The following PAPPA variants were observed in gnomAD, a reference collection of about 807,000 sequenced individuals.
The protein encoded by PAPPA is pappalysin-1.
PAPPA carries 60 observed loss-of-function variants against 164.0 expected under a neutral mutation model. The ratio of observed to expected loss-of-function variants is 0.37; its 90% CI spans 0.30 to 0.45. PAPPA has a LOEUF of 0.45. Among genes scored for constraint, PAPPA ranks in the 20% least tolerant of loss-of-function variants. The pLI is 1.00. For synonymous variants in PAPPA, 875 were observed against 814.1 expected (o/e 1.07, Z -1.27); for missense variants, 1,782 against 2,087.3 (o/e 0.85, Z 2.85).
chr9:116,303,939 T>G (rs776247168), intron 10 of PAPPA, among the ~76,000 whole-genome samples: 1 of 152,244 alleles, frequency 6.6e-6, no homozygotes, highest in African/African-American at 2.4e-5. Context: ...TTTACATCAC[T>G]AAAGCCTTTA....
chr9:116,276,208 A>G (rs1158765815), intron 9 of PAPPA, among the ~76,000 whole-genome samples: 1 of 152,254 alleles, frequency 6.6e-6, no homozygotes, highest in East Asian at 1.9e-4. Context: ...AACTACAGAC[A>G]GGCTGCTGAT....
rs779077168 is a variant in PAPPA at position 116,187,599 on chromosome 9, G to C, written c.861G>C (p.Gln287His). 1 of 1,614,208 alleles carries C rather than the reference G, an allele frequency of 6.2e-7. No homozygotes were observed. The highest frequency in any genetic ancestry group is 8.5e-7 in the Non-Finnish European group (1 of 1,180,040). ...AHTALPQLLLQENWDNVKHAW... is the reference protein window; with the variant it reads ...AHTALPQLLLHENWDNVKHAW... ...CTGCTCTACCTCAGCTCCTCCTCCA[G>C]GAGAACTGGGACAATGTGAAGCATG... Residue 287 changes from glutamine to histidine, a missense_variant, in exon 2 of 22, where the codon CAG (glutamine) becomes CAC (histidine). Coordinates refer to ENST00000328252, the MANE Select transcript of PAPPA (RefSeq NM_002581.5). The surrounding 1 kb of genome is among the most constrained non-coding windows in gnomAD (Gnocchi z 4.2).
intron 9 of PAPPA, among the ~76,000 whole-genome samples, chr9:116,285,404 T>G (rs1281767163): frequency 1.3e-5 from 2 of 152,068 alleles, no homozygotes; most frequent in African/African-American, 4.8e-5. Flanking sequence ...CTTGACCTTG[T>G]GTCCTGCCCA....
chr9:116,229,735 C>G (rs73654679), intron 6 of PAPPA, among the ~76,000 whole-genome samples: 1,543 of 152,234 alleles, frequency 0.01, 27 homozygotes, highest in African/African-American at 0.035. Context: ...AAGAAGAGAT[C>G]AAGAGGATTT....
intron 2 of PAPPA, among the ~76,000 whole-genome samples, chr9:116,201,543 T>G (rs1341548249): frequency 6.6e-6 from 1 of 152,150 alleles, no homozygotes; most frequent in African/African-American, 2.4e-5. Context: ...CCAGTTTTCT[T>G]TCAATCCATG....
chr9:116,225,447 C>T (rs1269417627), intron 5 of PAPPA, among the ~76,000 whole-genome samples: 1 of 152,108 alleles, frequency 6.6e-6, no homozygotes, highest in East Asian at 1.9e-4. Flanking sequence ...TATTCCATTG[C>T]CCAGAAATTG....
In PAPPA at chr9:116,402,279, A is replaced by G. The variant is rs1847069794; in HGVS notation, c.*5663A>G. 1 of 152,574 alleles carries G rather than the reference A, an allele frequency of 6.6e-6. No homozygotes were observed. Among genetic ancestry groups the G allele is most frequent in the African/African-American group, 2.4e-5 (1 of 41,434 alleles). 9.5% of individuals were successfully genotyped at this position (152,574 alleles called of 1,614,324 possible). A position where few individuals can be genotyped will look rare whatever the true frequency, so the allele number is the denominator to read the frequency against. ...TTGCCACTGTTGATTACTATACTTTAAAGTTCTATATTATGAAAATATATA... is the reference window on the plus strand; with the variant it reads ...TTGCCACTGTTGATTACTATACTTTGAAGTTCTATATTATGAAAATATATA... On this transcript the variant is annotated 3_prime_UTR_variant, in exon 22 of 22. Coordinates refer to ENST00000328252, the MANE Select transcript of PAPPA (RefSeq NM_002581.5).
At chr9:116,288,460 T>G (rs1171127563) in intron 9 of PAPPA, among the ~76,000 whole-genome samples, 1 of 116,328 alleles carries the variant, frequency 8.6e-6, no homozygotes, top group Non-Finnish European at 1.7e-5. Flanking sequence ...CCTTCCTTCC[T>G]TGCTCCCTCC....
chr9:116,182,720 GA>G (rs1227171891), intron 1 of PAPPA, among the ~76,000 whole-genome samples: 1 of 152,068 alleles, frequency 6.6e-6, no homozygotes, highest in African/African-American at 2.4e-5. Flanking sequence ...AAGAGGCAAT[GA>G]AAAAAATAGA....
chr9:116,283,815 G>A (rs1421366453), intron 9 of PAPPA, among the ~76,000 whole-genome samples: 2 of 152,116 alleles, frequency 1.3e-5, no homozygotes, highest in Non-Finnish European at 2.9e-5. Flanking sequence ...GTCTCCACAA[G>A]AGTCTGAAAT....
chr9:116,275,910 C>T (rs761973168), intron 9 of PAPPA, among the ~76,000 whole-genome samples: 8 of 152,130 alleles, frequency 5.3e-5, no homozygotes, highest in Non-Finnish European at 8.8e-5. Flanking sequence ...GGGGACTTCC[C>T]GTTCTCAATT....
intron 3 of PAPPA, among the ~76,000 whole-genome samples, chr9:116,210,970 A>G (rs1012484761): frequency 3.3e-5 from 5 of 152,226 alleles, no homozygotes; most frequent in African/African-American, 1.2e-4. Context: ...CACATATTTA[A>G]TGAGATACTC....
intron 8 of PAPPA, among the ~76,000 whole-genome samples, chr9:116,269,307 C>T (rs1221848776): frequency 1.3e-5 from 2 of 152,152 alleles, no homozygotes; most frequent in Admixed American, 6.5e-5. Flanking sequence ...GAACAGAGGG[C>T]CCAGATTCTC....
intron 19 of PAPPA, among the ~76,000 whole-genome samples, chr9:116,371,545 T>G (rs1846574098): frequency 1.3e-5 from 2 of 152,236 alleles, no homozygotes; most frequent in South Asian, 4.1e-4. Flanking sequence ...CCCAACTTAA[T>G]AAATAAAAAC....
chr9:116,167,378 TTAAG>T (rs1564172045), intron 1 of PAPPA, among the ~76,000 whole-genome samples: 2 of 152,224 alleles, frequency 1.3e-5, no homozygotes, highest in African/African-American at 4.8e-5. Flanking sequence ...ATTATTTTTA[TTAAG>T]TATTATATTT....
chr9:116,387,370 C>A (rs1450064033), intron 21 of PAPPA, among the ~76,000 whole-genome samples: 1 of 152,132 alleles, frequency 6.6e-6, no homozygotes, highest in African/African-American at 2.4e-5. Context: ...CACAATAACC[C>A]TGTTGTAGAT....
intron 3 of PAPPA, among the ~76,000 whole-genome samples, chr9:116,211,437 A>ATTCCT (rs1844305690): frequency 6.6e-6 from 1 of 152,152 alleles, no homozygotes; most frequent in Admixed American, 6.5e-5. Context: ...ATTGTACAAA[A>ATTCCT]TGACTTTTGA....
intron 17 of PAPPA, among the ~76,000 whole-genome samples, chr9:116,355,942 C>T (rs977759960): frequency 6.6e-6 from 1 of 152,146 alleles, no homozygotes; most frequent in Non-Finnish European, 1.5e-5. Flanking sequence ...GCCTGAGAGC[C>T]AAATCTAGTA....
chr9:116,385,234 AAAATAAAT>A (rs142801371), intron 21 of PAPPA, among the ~76,000 whole-genome samples: 77,275 of 138,872 alleles, frequency 0.56, 22,353 homozygotes, highest in Non-Finnish European at 0.63. Context: ...ACTCCATCTC[AAAATAAAT>A]AAATAAATAA....
Sources: allele counts gnomAD v4.1 joint callset (sites outside exome capture counted in the v4.1 genomes callset), GRCh38; gene constraint gnomAD v4.1.1; non-coding constraint Gnocchi (gnomAD v3.1); transcripts MANE v1.5; gene names NCBI Gene and HGNC (gene_info 2026-07-23, HGNC 2026-07-21).